Variants in STX8 observed in about 807,000 individuals in gnomAD.
STX8 encodes syntaxin-8.
In STX8, 23 loss-of-function variants were observed where a neutral mutation model predicts 37.5. The ratio of observed to expected loss-of-function variants is 0.61; its 90% CI spans 0.44 to 0.87. The LOEUF is 0.87. STX8 is among the 40% of genes least tolerant of loss of function. STX8 has a pLI of 0.00. For missense variants in STX8, 313 were observed against 284.7 expected (o/e 1.10, Z -0.71); for synonymous variants, 115 against 99.1 (o/e 1.16, Z -0.95).
chr17:9,380,448 C>G (rs1911757672), intron 6 of STX8, among the ~76,000 whole-genome samples: 1 of 151,554 alleles, frequency 6.6e-6, no homozygotes, highest in South Asian at 2.1e-4. Context: ...GAGACCAGGC[C>G]CTGCTATGTC....
At chr17:9,329,006 C>T (rs956746410) in intron 7 of STX8, among the ~76,000 whole-genome samples, 7 of 137,638 alleles carry the variant, frequency 5.1e-5, no homozygotes, top group Non-Finnish European at 9.1e-5. Context: ...GCTGAGATCG[C>T]GCCACTGCAC....
At chr17:9,392,780 T>C (rs78550413) in intron 6 of STX8, among the ~76,000 whole-genome samples, 1 of 152,022 alleles carries the variant, frequency 6.6e-6, no homozygotes, top group African/African-American at 2.4e-5. Context: ...AATAGCAGAA[T>C]GGACATGATA....
chr17:9,547,234 G>C (rs1375567421), intron 3 of STX8: 1 of 122,566 alleles, frequency 8.2e-6, no homozygotes, highest in Non-Finnish European at 1.6e-5. Context: ...GTGAAAGAGC[G>C]AGACTCTGTC....
chr17:9,494,615 C>CAAAAAAAAAAAAAAAAAAA (rs35806606), intron 5 of STX8, among the ~76,000 whole-genome samples: 1 of 64,292 alleles, frequency 1.6e-5, no homozygotes, highest in Non-Finnish European at 2.7e-5. Context: ...GAACCTGTCT[C>CAAAAAAAAAAAAAAAAAAA]AAAAAAAAAA....
chr17:9,362,389 C>T (rs1318257032), intron 7 of STX8, among the ~76,000 whole-genome samples: 1 of 152,158 alleles, frequency 6.6e-6, no homozygotes. Flanking sequence ...GGGAGAAAAA[C>T]ATAAGGAATC....
chr17:9,413,079 C>T (rs1344497560), intron 6 of STX8, among the ~76,000 whole-genome samples: 1 of 152,058 alleles, frequency 6.6e-6, no homozygotes, highest in East Asian at 1.9e-4. Context: ...CAACCCTGAC[C>T]CTCAAGAAGC....
chr17:9,354,103 A>T (rs1165223098), intron 7 of STX8, among the ~76,000 whole-genome samples: 1 of 152,120 alleles, frequency 6.6e-6, no homozygotes, highest in Admixed American at 6.6e-5. Flanking sequence ...AATATTACAC[A>T]GTCACCTTCT....
At chr17:9,301,546 G>T (rs1908784142) in intron 7 of STX8, among the ~76,000 whole-genome samples, 2 of 151,474 alleles carry the variant, frequency 1.3e-5, no homozygotes, top group Non-Finnish European at 2.9e-5. Context: ...GCAGTGGCGC[G>T]ATCTCGGCTC....
chr17:9,411,825 T>C (rs73259857), intron 6 of STX8, among the ~76,000 whole-genome samples: 2 of 152,290 alleles, frequency 1.3e-5, no homozygotes, highest in African/African-American at 4.8e-5. Flanking sequence ...TCTCTCAGCC[T>C]TTTTAGAAGC....
chr17:9,309,221 C>T (rs1422054962), intron 7 of STX8, among the ~76,000 whole-genome samples: 9 of 152,220 alleles, frequency 5.9e-5, no homozygotes, highest in South Asian at 2.1e-4. Context: ...TATATTGTAA[C>T]GGAAAATATC....
chr17:9,258,767 C>G (rs1906896894), intron 7 of STX8, among the ~76,000 whole-genome samples: 1 of 152,236 alleles, frequency 6.6e-6, no homozygotes, highest in African/African-American at 2.4e-5. Context: ...GCCAGGCTTC[C>G]TCTGTGGCTC....
In STX8 at chr17:9,490,500, T is replaced by G. The variant is rs562182439; in HGVS notation, c.541+1329A>C. Among the ~76,000 whole-genome samples the G allele has an allele frequency of 5.9e-5, 9 of 152,118 alleles. No individual in the cohort carries two copies. In the South Asian group the frequency reaches 1.9e-3, roughly 32 times the overall value. On this transcript the variant is annotated intron_variant, in intron 6 of 7. Coordinates refer to ENST00000306357, the MANE Select transcript of STX8 (RefSeq NM_004853.3). ...AATTCTCCTGCCTCAGCCTCCCGAGTAGCTGTGACTACAGGTGTGGGCCAC... is the reference window on the plus strand; with the variant it reads ...AATTCTCCTGCCTCAGCCTCCCGAGGAGCTGTGACTACAGGTGTGGGCCAC...
intron 3 of STX8, 52 bp downstream of exon 3, chr17:9,557,382 G>C: frequency 2.7e-6 from 4 of 1,496,620 alleles, no homozygotes; most frequent in Non-Finnish European, 3.7e-6. Flanking sequence ...CTTAAAATAC[G>C]ACTGCTTTTC....
At chr17:9,350,191 G>T (rs973888216) in intron 7 of STX8, among the ~76,000 whole-genome samples, 1 of 141,284 alleles carries the variant, frequency 7.1e-6, no homozygotes, top group South Asian at 2.6e-4. Flanking sequence ...AATGGGCCGC[G>T]TATACAGCGT....
intron 6 of STX8, among the ~76,000 whole-genome samples, chr17:9,381,742 G>A (rs374984688): frequency 3.9e-5 from 6 of 152,160 alleles, no homozygotes; most frequent in Admixed American, 1.3e-4. Flanking sequence ...AGGCCGAGGC[G>A]GGCGGATCAC....
At chr17:9,546,162 A>G (rs576407592) in intron 3 of STX8, among the ~76,000 whole-genome samples, 3 of 152,210 alleles carry the variant, frequency 2.0e-5, no homozygotes, top group Admixed American at 6.5e-5. Context: ...TCAGTTCACT[A>G]TTTAAATACA....
intron 4 of STX8, among the ~76,000 whole-genome samples, chr17:9,521,871 AC>A (rs1388654745): frequency 6.6e-6 from 1 of 152,216 alleles, no homozygotes; most frequent in African/African-American, 2.4e-5. Context: ...TCACTATAGC[AC>A]CTTTAAAATC....
chr17:9,285,731 A>G (rs1344995068), intron 7 of STX8, among the ~76,000 whole-genome samples: 1 of 152,250 alleles, frequency 6.6e-6, no homozygotes, highest in Non-Finnish European at 1.5e-5. Flanking sequence ...ATGCCTGAAA[A>G]TTGCAAATGA....
chr17:9,335,439 T>G (rs1199236407), intron 7 of STX8, among the ~76,000 whole-genome samples: 1 of 152,222 alleles, frequency 6.6e-6, no homozygotes, highest in Admixed American at 6.5e-5. Flanking sequence ...CCTCATGATC[T>G]AATCACCTCT....
Sources: gnomAD v4.1 joint callset for allele counts (sites outside exome capture counted in the v4.1 genomes callset) on GRCh38, gnomAD v4.1.1 for gene constraint, MANE v1.5 for transcripts, NCBI Gene and HGNC (gene_info 2026-07-23, HGNC 2026-07-21) for gene names.